Variants in STOX2 observed in about 807,000 individuals in gnomAD.
STOX2 encodes the protein storkhead box 2, also known as storkhead-box protein 2.
STOX2 carries 28 observed loss-of-function variants against 60.9 expected under a neutral mutation model. The observed-to-expected ratio is 0.46, with a 90% CI of 0.34 to 0.63. The LOEUF is 0.63. Among genes scored for constraint, STOX2 ranks in the 30% least tolerant of loss-of-function variants. STOX2 has a pLI of 0.01. For synonymous variants in STOX2, 472 were observed against 463.9 expected (o/e 1.02, Z -0.22); for missense variants, 1,024 against 1,187.7 (o/e 0.86, Z 2.03).
At position 183,906,866 on chromosome 4, in the gene STOX2, A is replaced by C; in HGVS notation, c.76A>C (p.Met26Leu). Residue 26 changes from methionine (M) to leucine (L), a missense_variant, in exon 1 of 4, where the codon ATG (methionine) becomes CTG (leucine). Physicochemically the swap from Met to Leu is conservative, Grantham distance 15. Around this residue, in one of 3 missense-constraint regions of STOX2, gnomAD observed 98 missense variants for 110.2 expected, o/e 0.89. Transcript: ENST00000308497. ...SDFSDRASDR[M>L]RSRSEKDYRL... ...TTTCTCGGACCGGGCCTCGGACCGC[A>C]TGAGGTCCCGCAGCGAGAAGGACTA... is the stretch of plus-strand genomic sequence containing the variant. 6 of 1,551,936 alleles carry C rather than the reference A, an allele frequency of 3.9e-6. No homozygotes were observed. The highest frequency in any genetic ancestry group is 5.2e-6 in the Non-Finnish European group (6 of 1,147,334).
rs766878277 is a variant in STOX2 at position 184,009,753 on chromosome 4, G to C, written c.915G>C (p.Thr305=). 4 of 1,613,280 alleles carry C rather than the reference G, an allele frequency of 2.5e-6. No homozygotes were observed. In the African/African-American group the frequency reaches 5.3e-5, roughly 22 times the overall value. The change falls in exon 3 of 4, where the codon ACG becomes ACC. Residue 305 remains threonine, a synonymous_variant. Transcript: ENST00000308497. This position sits in a 1 kb window ranked among gnomAD's most constrained non-coding sequence, Gnocchi z 4.0. The part of the protein sequence containing the change: ...WPLRDEDTPA[T]IPREVEMEII... ...TGCGAGACGAGGACACGCCAGCTAC[G>C]ATCCCTCGGGAAGTAGAGATGGAAA...
chr4:183,978,310 T>C (rs62339716), intron 1 of STOX2, among the ~76,000 whole-genome samples: 70,527 of 152,002 alleles, frequency 0.46, 16,677 homozygotes, highest in Middle Eastern at 0.53. Flanking sequence ...TCTATTCTTC[T>C]ACATATTGGC....
intron 3 of STOX2, 73 bp from the exon 4 acceptor site, chr4:184,017,016 T>C: frequency 1.6e-6 from 2 of 1,280,870 alleles, no homozygotes; most frequent in South Asian, 1.5e-5. Flanking sequence ...CATCATTTGC[T>C]CTTCCTCTGG....
At chr4:184,006,935 G>A (rs1286214906) in intron 2 of STOX2, among the ~76,000 whole-genome samples, 1 of 138,192 alleles carries the variant, frequency 7.2e-6, no homozygotes, top group Non-Finnish European at 1.5e-5. Context: ...AGAATGGCGT[G>A]AACCCAGGAG....
intron 1 of STOX2, among the ~76,000 whole-genome samples, chr4:183,888,526 G>C (rs1741134024): frequency 1.3e-5 from 2 of 152,152 alleles, no homozygotes; most frequent in African/African-American, 2.4e-5. Flanking sequence ...GTTTCCTCCC[G>C]ACCTTGAAGG....
At chr4:183,913,823 C>T (rs1741855682) in intron 1 of STOX2, among the ~76,000 whole-genome samples, 1 of 151,894 alleles carries the variant, frequency 6.6e-6, no homozygotes, top group African/African-American at 2.4e-5. Flanking sequence ...ACTGTGTGTC[C>T]CAGCACTGCT....
At chr4:183,970,188 C>T (rs1439959384) in intron 1 of STOX2, among the ~76,000 whole-genome samples, 2 of 82,010 alleles carry the variant, frequency 2.4e-5, no homozygotes, top group East Asian at 3.6e-4. Context: ...GTGTGGGGTT[C>T]CAGCTGAATT....
At chr4:183,857,403 T>TGCTGC (rs1740325055) in intron 1 of STOX2, among the ~76,000 whole-genome samples, 2 of 14,248 alleles carry the variant, frequency 1.4e-4, no homozygotes, top group African/African-American at 4.6e-4. Context: ...GGTTGCCTCA[T>TGCTGC]AGGATTGGTC....
intron 1 of STOX2, among the ~76,000 whole-genome samples, chr4:183,842,305 T>G (rs1739881020): frequency 6.6e-6 from 1 of 152,212 alleles, no homozygotes; most frequent in Non-Finnish European, 1.5e-5. Flanking sequence ...ATGCTTTGAA[T>G]GGAGTATAGA....
chr4:183,862,930 T>C (rs1340278424), intron 1 of STOX2, among the ~76,000 whole-genome samples: 2 of 151,950 alleles, frequency 1.3e-5, no homozygotes, highest in African/African-American at 4.8e-5. Context: ...AGACAGGAGG[T>C]GACAGACACT....
At chr4:183,964,509 C>CTGAT (rs57322041) in intron 1 of STOX2, among the ~76,000 whole-genome samples, 10,048 of 152,238 alleles carry the variant, frequency 0.066, 488 homozygotes, top group African/African-American at 0.13. Flanking sequence ...GGATTGTACT[C>CTGAT]TGTACTGTGC....
In STOX2 at chr4:184,021,669, CAG is replaced by C. The variant is rs1199516704; in HGVS notation, c.*4387_*4388del. 1 of 152,152 alleles carries C rather than the reference CAG, an allele frequency of 6.6e-6. No homozygotes were observed. Among genetic ancestry groups the C allele is most frequent in the Non-Finnish European group, 1.5e-5 (1 of 68,036 alleles). 9.4% of individuals were successfully genotyped at this position (152,152 alleles called of 1,614,324 possible). On this transcript the variant is annotated 3_prime_UTR_variant, in exon 4 of 4. Coordinates refer to ENST00000308497, the MANE Select transcript of STOX2 (RefSeq NM_020225.3). ...CTCCTGGCAGTGGAAGGTGCTGAAACAGAAATTTTAATTAAAAACTTTATCAA... is the reference window on the plus strand; with the variant it reads ...CTCCTGGCAGTGGAAGGTGCTGAAACAAATTTTAATTAAAAACTTTATCAA...
chr4:183,869,228 G>T (rs1349451545), intron 1 of STOX2, among the ~76,000 whole-genome samples: 1 of 152,186 alleles, frequency 6.6e-6, no homozygotes, highest in Non-Finnish European at 1.5e-5. Flanking sequence ...GACGAGGAAA[G>T]AAAATGGACA....
intron 1 of STOX2, among the ~76,000 whole-genome samples, chr4:183,920,908 T>C (rs1742081867): frequency 1.3e-5 from 2 of 152,304 alleles, no homozygotes; most frequent in South Asian, 4.1e-4. Flanking sequence ...AGTGCAAAGG[T>C]ACCTGACAAC....
At position 183,959,305 on chromosome 4, in the gene STOX2, A is replaced by C. The variant is rs1338129298; in HGVS notation, c.167-42020A>C. On this transcript the variant is annotated intron_variant, in intron 1 of 3. Coordinates refer to ENST00000308497, the MANE Select transcript of STOX2 (RefSeq NM_020225.3). Reference sequence around the variant, plus strand: ...TAAGAATGCCTTTGGTATCAACGCCAGTTAGGAAGGTCTAACTCAGGGCGG... The same window carrying C: ...TAAGAATGCCTTTGGTATCAACGCCCGTTAGGAAGGTCTAACTCAGGGCGG... 2.0e-5 allele frequency among the ~76,000 whole-genome samples: 3 copies of C among 152,348 alleles called. No individual in the cohort carries two copies. The South Asian group carries it at 6.2e-4, about 32-fold the overall frequency.
chr4:183,920,449 C>T (rs1191702837), intron 1 of STOX2, among the ~76,000 whole-genome samples: 1 of 152,122 alleles, frequency 6.6e-6, no homozygotes, highest in African/African-American at 2.4e-5. Context: ...TTTCATTCCC[C>T]CAGTGGTTCA....
intron 1 of STOX2, among the ~76,000 whole-genome samples, chr4:183,801,686 C>T (rs1450638014): frequency 6.6e-6 from 1 of 152,064 alleles, no homozygotes; most frequent in East Asian, 1.9e-4. Flanking sequence ...AGGAGGTGCC[C>T]GGAGCTTGAG....
chr4:183,829,537 C>T (rs1203413046), intron 1 of STOX2, among the ~76,000 whole-genome samples: 1 of 152,194 alleles, frequency 6.6e-6, no homozygotes, highest in Admixed American at 6.5e-5. Context: ...CATTTGGTGG[C>T]ACGTCTCCCT....
intron 1 of STOX2, among the ~76,000 whole-genome samples, chr4:183,833,914 G>A (rs1037190612): frequency 7.3e-5 from 11 of 150,222 alleles, no homozygotes; most frequent in African/African-American, 4.9e-5. Flanking sequence ...CCCGGGAGGC[G>A]GAGCTTGCAG....
Sources: gnomAD v4.1 joint callset for allele counts (sites outside exome capture counted in the v4.1 genomes callset) on GRCh38, gnomAD v4.1.1 for gene constraint, gnomAD v4.1.1 regional missense constraint, Gnocchi (gnomAD v3.1) non-coding constraint, MANE v1.5 for transcripts, NCBI Gene and HGNC (gene_info 2026-07-23, HGNC 2026-07-21) for gene names.